The following CAPN6 variants were observed in gnomAD, a reference collection of about 807,000 sequenced individuals.
CAPN6 encodes calpain 6, also known as calpain-6.
Under a neutral mutation model 46.0 loss-of-function variants are expected in CAPN6, and 16 were observed. That is an observed-to-expected ratio of 0.35 (90% CI 0.24 to 0.53). CAPN6 has a LOEUF of 0.53. Ranked by LOEUF, CAPN6 falls within the 20% of genes least tolerant of loss-of-function variation. CAPN6 has a pLI of 0.94. For missense variants in CAPN6, 461 were observed against 498.0 expected, an observed-to-expected ratio of 0.93 and a Z score of 0.71; for synonymous variants, 206 against 172.8, an observed-to-expected ratio of 1.19 and a Z score of -1.51.
chrX:111,267,233 G>T (rs1251137257), intron 1 of CAPN6, among the ~76,000 whole-genome samples: 1 of 111,805 alleles, frequency 8.9e-6, no homozygotes, highest in Non-Finnish European at 1.9e-5. Flanking sequence ...AGCTAACAAA[G>T]GCAATGTGGA....
At position 111,246,747 on chromosome X, in the gene CAPN6, G is replaced by A. The variant is rs1430067866; in HGVS notation, c.1756C>T (p.Arg586Ter). The A allele has an allele frequency of 2.5e-6, 3 of 1,208,608 alleles. No individual in the cohort carries two copies. The highest frequency in any genetic ancestry group is 2.2e-6 in the Non-Finnish European group (2 of 894,305). Reference sequence around the variant, plus strand: ...CCCAAGAACTGATCACAGAATTTTCGGCTGTTCCAGACCTGGAAAGACAAA... The same window carrying A: ...CCCAAGAACTGATCACAGAATTTTCAGCTGTTCCAGACCTGGAAAGACAAA... ...IPIIVQVWNS[R>*]KFCDQFLGQV... The change falls in exon 13 of 13, where the codon CGA becomes TGA. Residue 586 changes from arginine to a stop codon, truncating the protein, a stop_gained. Transcript: ENST00000324068. LOFTEE classifies it high-confidence loss of function.
chrX:111,259,478 G>A (rs1283609119), intron 2 of CAPN6, among the ~76,000 whole-genome samples: 1 of 112,043 alleles, frequency 8.9e-6, no homozygotes, highest in Non-Finnish European at 1.9e-5. Context: ...TCCCTCATAT[G>A]CTGTCACCCA....
rs968441573 is a variant in CAPN6 at position 111,257,944 on chromosome X, G to T, written c.166-3541C>A. On this transcript the variant is annotated intron_variant, in intron 2 of 12. Coordinates refer to ENST00000324068, the MANE Select transcript of CAPN6 (RefSeq NM_014289.4). ...ACAACTAGGAAGTTGAGTACCAAGA[G>T]TAAAGCTGAAATGGTCCCCGCATGA... is the stretch of plus-strand genomic sequence containing the variant. Among the ~76,000 whole-genome samples the T allele has an allele frequency of 2.2e-4, 25 of 111,894 alleles. 1 individual carries two copies. The highest frequency in any genetic ancestry group is 3.8e-4 in the Non-Finnish European group (20 of 53,169).
chrX:111,248,989 A>G lies in CAPN6; in HGVS notation c.1227T>C (p.Thr409=). The G allele has an allele frequency of 2.5e-6, 3 of 1,211,516 alleles. No individual in the cohort carries two copies. Among genetic ancestry groups the G allele is most frequent in the Non-Finnish European group, 2.2e-6 (2 of 895,245 alleles). ...IMSLQQKDLR[T]YRRMGRPDNY... ...TGTCAGGTCTTCCCATTCGGCGGTA[A>G]GTGCGCAGGTCCTTCTGCTGCAGTG... The change falls in exon 9 of 13, where the codon ACT becomes ACC. Residue 409 remains threonine (T), a synonymous_variant. Transcript: ENST00000324068.
intron 2 of CAPN6, among the ~76,000 whole-genome samples, chrX:111,257,202 A>G (rs781406486): frequency 9.0e-6 from 1 of 111,592 alleles, no homozygotes; most frequent in Admixed American, 9.5e-5. Flanking sequence ...GCCACCACAT[A>G]AAGGATGATA....
chrX:111,254,384 T>C lies in CAPN6; in HGVS notation c.185A>G (p.His62Arg). 2 of 1,207,573 alleles carry C rather than the reference T, an allele frequency of 1.7e-6. No homozygotes were observed. The highest frequency in any genetic ancestry group is 1.8e-5 in the South Asian group (1 of 56,734). ...GTTGCTAATGTTGCCCACAATCAGATGGGGGTCATCACAGATGTCCTATGA... is the reference window on the plus strand; with the variant it reads ...GTTGCTAATGTTGCCCACAATCAGACGGGGGTCATCACAGATGTCCTATGA... ...KRPQDICDDP[H>R]LIVGNISNHQ... Residue 62 changes from histidine (H) to arginine (R), a missense_variant, in exon 3 of 13, where the codon CAT (histidine) becomes CGT (arginine). Transcript: ENST00000324068.
intron 2 of CAPN6, among the ~76,000 whole-genome samples, 180 bp from the exon 3 acceptor site, chrX:111,254,583 A>T (rs1486864975): frequency 1.8e-5 from 2 of 111,370 alleles, no homozygotes; most frequent in Non-Finnish European, 3.8e-5. Context: ...ACCAAAAAAC[A>T]GTTGATCATC....
chrX:111,248,988 A>G lies in CAPN6; in HGVS notation c.1228T>C (p.Tyr410His). 1 of 1,211,472 alleles carries G rather than the reference A, an allele frequency of 8.3e-7. No individual in the cohort carries two copies. ...MSLQQKDLRT[Y>H]RRMGRPDNYI... is the part of the protein sequence containing the mutation. ...TTGTCAGGTCTTCCCATTCGGCGGT[A>G]AGTGCGCAGGTCCTTCTGCTGCAGT... Residue 410 changes from tyrosine (Y) to histidine (H), a missense_variant, in exon 9 of 13, where the codon TAC (tyrosine) becomes CAC (histidine). Transcript: ENST00000324068.
intron 2 of CAPN6, among the ~76,000 whole-genome samples, chrX:111,256,851 C>CG (rs1399627209): frequency 1.9e-5 from 2 of 106,304 alleles, no homozygotes; most frequent in East Asian, 6.2e-4. Context: ...TGGGACCCCC[C>CG]CCCCCACAAC....
intron 1 of CAPN6, among the ~76,000 whole-genome samples, chrX:111,269,711 G>T (rs1247465057): frequency 8.9e-6 from 1 of 111,842 alleles, no homozygotes; most frequent in Non-Finnish European, 1.9e-5. Flanking sequence ...TTAAACCAAA[G>T]CTGGAATCAG....
At chrX:111,262,291 T>C (rs2094988507) in intron 2 of CAPN6, among the ~76,000 whole-genome samples, 1 of 112,213 alleles carries the variant, frequency 8.9e-6, no homozygotes, top group Admixed American at 9.4e-5. Context: ...ATGGTTGTCA[T>C]TCTTTATAGG....
In CAPN6 at chrX:111,253,202, A is replaced by G. The variant is rs1354912791; in HGVS notation, c.312T>C (p.His104=). 8.3e-7 allele frequency: 1 copy of G among 1,200,502 alleles called. No homozygotes were observed. The highest frequency in any genetic ancestry group is 1.8e-5 in the South Asian group (1 of 56,687). ...TTTGAGGGTCCCATTCCTGTTCCTT[A>G]TGGTTGGGAATTGTCTAGAAATGCA... The part of the protein sequence containing the change: ...ESHWTKTIPN[H]KEQEWDPQKT... The change falls in exon 4 of 13, where the codon CAT becomes CAC. Residue 104 remains histidine (H), a synonymous_variant. Transcript: ENST00000324068.
chrX:111,262,308 C>T (rs1489310708), intron 2 of CAPN6, among the ~76,000 whole-genome samples: 3 of 112,159 alleles, frequency 2.7e-5, no homozygotes, highest in African/African-American at 9.7e-5. Flanking sequence ...TAGGCAAAAA[C>T]TAAGAGATAT....
chrX:111,251,019 C>A lies in CAPN6; in HGVS notation c.1056G>T (p.Glu352Asp). Residue 352 changes from glutamate to aspartate, a missense_variant, in exon 8 of 13, where the codon GAG becomes GAT. Transcript: ENST00000324068. Reference sequence around the variant, plus strand: ...TCCAGCATCCCAACACCGATTCCAGCTCCTTTCGGCCAAAAATAGGGTTGT... The same window carrying A: ...TCCAGCATCCCAACACCGATTCCAGATCCTTTCGGCCAAAAATAGGGTTGT... Reference protein sequence around the residue: ...NVNNPIFGRKELESVLGCWTV... With the variant: ...NVNNPIFGRKDLESVLGCWTV... The A allele has an allele frequency of 8.3e-7, 1 of 1,211,629 alleles. No homozygotes were observed. Among genetic ancestry groups the A allele is most frequent in the Non-Finnish European group, 1.1e-6 (1 of 895,469 alleles).
chrX:111,270,240 C>T, intron 1 of CAPN6, 131 bp downstream of exon 1: 1 of 191,944 alleles, frequency 5.2e-6, no homozygotes, highest in Admixed American at 5.9e-5. Context: ...ATATTTGATC[C>T]AGACAAGCCA....
At chrX:111,263,428 A>C (rs1377372176) in intron 2 of CAPN6, among the ~76,000 whole-genome samples, 1 of 111,728 alleles carries the variant, frequency 9.0e-6, no homozygotes, top group Non-Finnish European at 1.9e-5. Flanking sequence ...ATCTGTCAAA[A>C]TTTGACTAAA....
chrX:111,252,931 G>C (rs2094980922), intron 4 of CAPN6, 77 bp downstream of exon 4: 3 of 871,493 alleles, frequency 3.4e-6, no homozygotes, highest in Non-Finnish European at 3.3e-6. Context: ...GGCTGGGAGA[G>C]AATGAGCTCC....
Position 111,247,520 on chromosome X carries a change from A to G in CAPN6, c.1607-16T>C. On this transcript the variant is annotated splice_polypyrimidine_tract_variant and intron_variant, in intron 11 of 12. Coordinates refer to ENST00000324068, the MANE Select transcript of CAPN6 (RefSeq NM_014289.4). ...GGGTTTACAGCTGGAACAAAGTGAC[A>G]TATGTTTTTAACACAGCAATTAAAG... 8.4e-7 allele frequency: 1 copy of G among 1,193,554 alleles called. No homozygotes were observed. Among genetic ancestry groups the G allele is most frequent in the East Asian group, 3.0e-5 (1 of 33,656 alleles).
chrX:111,266,017 C>T (rs1235525226), intron 1 of CAPN6, among the ~76,000 whole-genome samples: 1 of 110,550 alleles, frequency 9.0e-6, no homozygotes, highest in Non-Finnish European at 1.9e-5. Context: ...TAGATTACAG[C>T]TTGACGGAAC....
Sources: allele counts gnomAD v4.1 joint callset (sites outside exome capture counted in the v4.1 genomes callset), GRCh38; gene constraint gnomAD v4.1.1; transcripts MANE v1.5; gene names NCBI Gene and HGNC (gene_info 2026-07-23, HGNC 2026-07-21).